NCR1: variants seen among roughly 807,000 people sequenced by gnomAD.
NCR1 encodes NK cell-activating receptor.
Under a neutral mutation model 32.5 loss-of-function variants are expected in NCR1, and 30 were observed. The observed-to-expected ratio is 0.92, with a 90% CI of 0.69 to 1.25. The LOEUF (loss-of-function observed/expected upper bound fraction) is 1.25. NCR1 is among the 50% of genes most tolerant of loss of function. The pLI is 0.00. For synonymous variants in NCR1, 169 were observed against 143.4 expected, an observed-to-expected ratio of 1.18 and a Z score of -1.28; for missense variants, 369 against 380.7, an observed-to-expected ratio of 0.97 and a Z score of 0.26.
intron 6 of NCR1, 61 bp from the exon 7 acceptor site, chr19:54,912,629 A>C: frequency 5.1e-6 from 2 of 392,960 alleles, no homozygotes; most frequent in South Asian, 8.8e-5. Context: ...AAAAAAAAAA[A>C]AAAAAAAAAG....
chr19:54,923,563 G>A, the NCR1 span: 7 of 724,804 alleles, frequency 9.7e-6, no homozygotes, highest in Admixed American at 1.0e-4. Flanking sequence ...ATAGCGTCAT[G>A]TGAAGGGGGT....
At chr19:54,931,668 A>G in the NCR1 span, among the ~76,000 whole-genome samples, 1 of 134,800 alleles carries the variant, frequency 7.4e-6, no homozygotes, top group Non-Finnish European at 1.6e-5. Flanking sequence ...AGCCTGGGCA[A>G]GAGCGAAACT....
chr19:54,907,618 A>AAT (rs2067703475), intron 3 of NCR1, among the ~76,000 whole-genome samples: 1 of 152,012 alleles, frequency 6.6e-6, no homozygotes, highest in Non-Finnish European at 1.5e-5. Flanking sequence ...ACACATGAGC[A>AAT]ATACTTTGTG....
chr19:54,905,732 A>G (rs764271850), upstream of NCR1, among the ~76,000 whole-genome samples: 4 of 152,118 alleles, frequency 2.6e-5, no homozygotes, highest in Non-Finnish European at 4.4e-5. Flanking sequence ...CTCGGGGGGA[A>G]CTGGGTTTTC....
chr19:54,913,659 C>T (rs967384578), downstream of NCR1, among the ~76,000 whole-genome samples: 8 of 152,086 alleles, frequency 5.3e-5, no homozygotes, highest in East Asian at 3.9e-4. Flanking sequence ...CTGCCAGGCA[C>T]GGTGGCTCAC....
the NCR1 span, among the ~76,000 whole-genome samples, chr19:54,921,479 G>T: frequency 1.3e-5 from 2 of 152,070 alleles, no homozygotes; most frequent in African/African-American, 2.4e-5. Context: ...TTAGTAAAAA[G>T]AACTTTGTCA....
chr19:54,902,445 C>T (rs587677254), upstream of NCR1, among the ~76,000 whole-genome samples: 1 of 151,998 alleles, frequency 6.6e-6, no homozygotes, highest in Non-Finnish European at 1.5e-5. Flanking sequence ...GGACTATAGG[C>T]GCACAGCACC....
chr19:54,902,857 T>C (rs1394393665), upstream of NCR1, among the ~76,000 whole-genome samples: 2 of 151,714 alleles, frequency 1.3e-5, no homozygotes, highest in Non-Finnish European at 2.9e-5. Context: ...GGGCTGGGTG[T>C]GGTGGCTCAC....
chr19:54,931,886 C>T, the NCR1 span, among the ~76,000 whole-genome samples: 1 of 151,868 alleles, frequency 6.6e-6, no homozygotes. Flanking sequence ...CTGATTCCAT[C>T]CATTTCCAGC....
chr19:54,900,927 T>C, the NCR1 span, among the ~76,000 whole-genome samples: 3 of 151,830 alleles, frequency 2.0e-5, no homozygotes, highest in African/African-American at 7.3e-5. Context: ...ACCATTGAAT[T>C]ATGCACTTTT....
At chr19:54,929,472 T>C in the NCR1 span, among the ~76,000 whole-genome samples, 1 of 152,214 alleles carries the variant, frequency 6.6e-6, no homozygotes, top group Non-Finnish European at 1.5e-5. Flanking sequence ...TTGCAGATTC[T>C]AGTTGGAAAA....
At chr19:54,910,508 G>A (rs2067916223) in intron 5 of NCR1, among the ~76,000 whole-genome samples, 2 of 152,132 alleles carry the variant, frequency 1.3e-5, no homozygotes, top group Admixed American at 6.5e-5. Flanking sequence ...TGCAGAGGTT[G>A]CAGTGAGCTG....
chr19:54,936,231 GC>G, the NCR1 span: 2 of 1,603,142 alleles, frequency 1.2e-6, no homozygotes, highest in African/African-American at 2.7e-5. Flanking sequence ...GACTCCAGGT[GC>G]TGGGGAGAGC....
chr19:54,933,115 C>T, the NCR1 span, among the ~76,000 whole-genome samples: 1 of 151,950 alleles, frequency 6.6e-6, no homozygotes, highest in African/African-American at 2.4e-5. Context: ...CAAATATTAA[C>T]ATGTTTCTAC....
chr19:54,928,738 T>A, the NCR1 span, among the ~76,000 whole-genome samples: 1 of 152,142 alleles, frequency 6.6e-6, no homozygotes, highest in Admixed American at 6.6e-5. Flanking sequence ...GAAAGTAGAA[T>A]GATTTATGGC....
At chr19:54,930,039 C>A in the NCR1 span, among the ~76,000 whole-genome samples, 1 of 146,600 alleles carries the variant, frequency 6.8e-6, no homozygotes, top group Non-Finnish European at 1.5e-5. Flanking sequence ...AGCGAGAACC[C>A]GGGAGGAAGA....
chr19:54,905,373 G>A (rs1018316196), upstream of NCR1, among the ~76,000 whole-genome samples: 2 of 151,772 alleles, frequency 1.3e-5, no homozygotes, highest in African/African-American at 4.8e-5. Context: ...TATTATTTAG[G>A]TGCACCGGCC....
chr19:54,903,410 A>G (rs923257234), upstream of NCR1, among the ~76,000 whole-genome samples: 19 of 138,978 alleles, frequency 1.4e-4, 2 homozygotes, highest in East Asian at 4.6e-4. Flanking sequence ...ATGTATGTAT[A>G]CACGCATACA....
chr19:54,914,900 C>G (rs900807175), downstream of NCR1, among the ~76,000 whole-genome samples: 5 of 151,982 alleles, frequency 3.3e-5, no homozygotes, highest in African/African-American at 1.2e-4. Flanking sequence ...CCACCACACC[C>G]GGTTAATTTT....
Sources: gnomAD v4.1 joint callset for allele counts (sites outside exome capture counted in the v4.1 genomes callset) on GRCh38, gnomAD v4.1.1 for gene constraint, MANE v1.5 for transcripts, NCBI Gene and HGNC (gene_info 2026-07-23, HGNC 2026-07-21) for gene names.